NCOA2: variants seen among roughly 807,000 people sequenced by gnomAD.
NCOA2 encodes the protein class E basic helix-loop-helix protein 75.
In NCOA2, 21 loss-of-function variants were observed where a neutral mutation model predicts 145.1. That is an observed-to-expected ratio of 0.14 (90% CI 0.10 to 0.21). The LOEUF (loss-of-function observed/expected upper bound fraction) is 0.21. Among genes scored for constraint, NCOA2 ranks in the 10% least tolerant of loss-of-function variants. The pLI is 1.00. For missense variants in NCOA2, 1,472 were observed against 1,837.6 expected, an observed-to-expected ratio of 0.80 and a Z score of 3.64; for synonymous variants, 619 against 637.5, an observed-to-expected ratio of 0.97 and a Z score of 0.44.
At chr8:70,438,048 T>C in the NCOA2 span, among the ~76,000 whole-genome samples, 1 of 152,346 alleles carries the variant, frequency 6.6e-6, no homozygotes, top group South Asian at 2.1e-4. Flanking sequence ...GATGATTAGA[T>C]ACATTTTTCA....
the NCOA2 span, among the ~76,000 whole-genome samples, chr8:70,419,313 A>T: frequency 6.6e-6 from 1 of 152,118 alleles, no homozygotes; most frequent in African/African-American, 2.4e-5. Context: ...AACCAAAAGG[A>T]TATATTTTAT....
intron 2 of NCOA2, among the ~76,000 whole-genome samples, chr8:70,260,280 T>A (rs528195840): frequency 6.6e-6 from 1 of 152,172 alleles, no homozygotes; most frequent in East Asian, 1.9e-4. Context: ...TGGGTTCAAG[T>A]GATCTCCCAA....
intron 1 of NCOA2, among the ~76,000 whole-genome samples, chr8:70,383,760 C>G (rs1812421177): frequency 2.6e-5 from 4 of 152,198 alleles, no homozygotes; most frequent in Non-Finnish European, 5.9e-5. Context: ...CCACCTCGGC[C>G]TCCCAAAGTG....
At chr8:70,425,950 T>C in the NCOA2 span, among the ~76,000 whole-genome samples, 78,509 of 151,790 alleles carry the variant, frequency 0.52, 21,442 homozygotes, top group East Asian at 0.71. Flanking sequence ...AATCAGAGGA[T>C]GGAATGTGAA....
intron 4 of NCOA2, among the ~76,000 whole-genome samples, chr8:70,206,051 C>G (rs1470793379): frequency 1.3e-5 from 2 of 152,208 alleles, no homozygotes; most frequent in African/African-American, 4.8e-5. Flanking sequence ...TGTGGGCACT[C>G]TTCACTAAAG....
At chr8:70,291,838 G>C (rs539401893) in intron 2 of NCOA2, among the ~76,000 whole-genome samples, 1 of 152,060 alleles carries the variant, frequency 6.6e-6, no homozygotes, top group African/African-American at 2.4e-5. Context: ...AGTGGCTCAC[G>C]CCTGTAATCC....
At position 70,351,924 on chromosome 8, in the gene NCOA2, T is replaced by G. The variant is rs189892022; in HGVS notation, c.-77+51776A>C. ...CTTTACAAGCAACTAACTCTGGTTT[T>G]GGCTCATTTAATTTCTAGTTTACAT... On this transcript the variant is annotated intron_variant, in intron 1 of 22. Coordinates refer to ENST00000452400, the MANE Select transcript of NCOA2 (RefSeq NM_006540.4). Among the ~76,000 whole-genome samples the G allele has an allele frequency of 7.9e-5, 12 of 152,168 alleles. No individual in the cohort carries two copies. The East Asian group carries it at 2.1e-3, about 27-fold the overall frequency.
At chr8:70,293,668 C>A (rs1398653733) in intron 2 of NCOA2, among the ~76,000 whole-genome samples, 1 of 152,178 alleles carries the variant, frequency 6.6e-6, no homozygotes, top group East Asian at 1.9e-4. Flanking sequence ...ACAGTGAGTT[C>A]AACTTTCTGT....
chr8:70,286,711 G>T (rs940298976), intron 2 of NCOA2, among the ~76,000 whole-genome samples: 3 of 152,066 alleles, frequency 2.0e-5, no homozygotes, highest in African/African-American at 7.2e-5. Flanking sequence ...TGTGTTCATG[G>T]TAAATACTGT....
At chr8:70,180,590 A>T (rs1378389523) in intron 4 of NCOA2, among the ~76,000 whole-genome samples, 1 of 152,206 alleles carries the variant, frequency 6.6e-6, no homozygotes, top group Non-Finnish European at 1.5e-5. Context: ...GAAGAATCTG[A>T]TCCTAGAAAT....
intron 2 of NCOA2, among the ~76,000 whole-genome samples, chr8:70,230,373 A>G (rs564885270): frequency 1.3e-5 from 2 of 152,318 alleles, no homozygotes; most frequent in South Asian, 2.1e-4. Flanking sequence ...TGGGGTTGAT[A>G]AAACTGTTCT....
At chr8:70,343,350 C>T (rs1432377650) in intron 1 of NCOA2, among the ~76,000 whole-genome samples, 1 of 151,928 alleles carries the variant, frequency 6.6e-6, no homozygotes, top group Non-Finnish European at 1.5e-5. Context: ...CCTTTCCACA[C>T]CAGTACCATT....
intron 1 of NCOA2, among the ~76,000 whole-genome samples, chr8:70,387,715 C>CG (rs547534562): frequency 5.3e-3 from 16 of 3,008 alleles, no homozygotes; most frequent in African/African-American, 7.9e-3. Context: ...AGGGGGAGGG[C>CG]GGGGGGGCAG....
intron 1 of NCOA2, among the ~76,000 whole-genome samples, chr8:70,399,771 C>G (rs964680706): frequency 1.3e-5 from 2 of 152,188 alleles, no homozygotes; most frequent in Non-Finnish European, 2.9e-5. Flanking sequence ...TTTAAAGAGA[C>G]CATCCCCTTT....
Position 70,126,715 on chromosome 8 carries a change from G to A in NCOA2, c.3916+98C>T, listed in dbSNP as rs941913087. On this transcript the variant is annotated intron_variant, in intron 19 of 22. Transcript: ENST00000452400. Reference sequence around the variant, plus strand: ...CCTGGTTAGCCAGATTCATCTGGGAGCCATGCAAAGAGCTGTGAGAGAGGA... The same window carrying A: ...CCTGGTTAGCCAGATTCATCTGGGAACCATGCAAAGAGCTGTGAGAGAGGA... The A allele has an allele frequency of 3.9e-6, 4 of 1,022,500 alleles. No homozygotes were observed. In the African/African-American group the frequency reaches 4.7e-5, roughly 12 times the overall value. 63.3% of individuals were successfully genotyped at this position (1,022,500 alleles called of 1,614,324 possible). A position where few individuals can be genotyped will look rare whatever the true frequency, so the allele number is the denominator to read the frequency against.
At chr8:70,254,104 AGAC>A (rs1432456209) in intron 2 of NCOA2, among the ~76,000 whole-genome samples, 1 of 152,212 alleles carries the variant, frequency 6.6e-6, no homozygotes, top group Non-Finnish European at 1.5e-5. Context: ...ATTTCTCCAA[AGAC>A]GACACACAAA....
At chr8:70,146,883 GT>G (rs1811125416) in intron 12 of NCOA2, among the ~76,000 whole-genome samples, 1 of 151,326 alleles carries the variant, frequency 6.6e-6, no homozygotes, top group South Asian at 2.1e-4. Context: ...TAGAGATGGG[GT>G]TTCACCATGT....
chr8:70,397,773 GGTT>G (rs895680686), intron 1 of NCOA2, among the ~76,000 whole-genome samples: 1 of 152,068 alleles, frequency 6.6e-6, no homozygotes, highest in Non-Finnish European at 1.5e-5. Flanking sequence ...AAATCTATTC[GGTT>G]GTAAGCTAAT....
chr8:70,201,999 T>C (rs1279257066), intron 4 of NCOA2, among the ~76,000 whole-genome samples: 1 of 152,224 alleles, frequency 6.6e-6, no homozygotes, highest in Non-Finnish European at 1.5e-5. Context: ...GTGATAAATA[T>C]TATGATACTT....
Sources: gnomAD v4.1 joint callset for allele counts (sites outside exome capture counted in the v4.1 genomes callset) on GRCh38, gnomAD v4.1.1 for gene constraint, MANE v1.5 for transcripts, NCBI Gene and HGNC (gene_info 2026-07-23, HGNC 2026-07-21) for gene names.